CACNB2: variants seen among roughly 807,000 people sequenced by gnomAD.
CACNB2 encodes calcium voltage-gated channel auxiliary subunit beta 2, also known as voltage-dependent L-type calcium channel subunit beta-2.
CACNB2 carries 42 observed loss-of-function variants against 73.3 expected under a neutral mutation model. The ratio of observed to expected loss-of-function variants is 0.57; its 90% CI spans 0.45 to 0.74. CACNB2 has a LOEUF of 0.74. Among genes scored for constraint, CACNB2 ranks in the 30% least tolerant of loss-of-function variants. The pLI, the probability that CACNB2 is intolerant of heterozygous loss-of-function variation, is 0.00. For missense variants in CACNB2, 940 were observed against 853.0 expected, an observed-to-expected ratio of 1.10 and a Z score of -1.27; for synonymous variants, 348 against 310.3, an observed-to-expected ratio of 1.12 and a Z score of -1.28.
chr10:18,386,154 C>T (rs959630124), intron 2 of CACNB2, among the ~76,000 whole-genome samples: 5 of 152,246 alleles, frequency 3.3e-5, no homozygotes, highest in Non-Finnish European at 5.9e-5. Flanking sequence ...TTTGATTTTG[C>T]CCTGTTTTAA....
chr10:18,269,159 T>C (rs2489217), intron 2 of CACNB2, among the ~76,000 whole-genome samples: 31,818 of 152,096 alleles, frequency 0.21, 3,626 homozygotes, highest in South Asian at 0.3. Context: ...CCTAAATAAA[T>C]AAAGGTCAGA....
At chr10:18,530,087 G>A (rs990680289) in intron 10 of CACNB2, among the ~76,000 whole-genome samples, 1 of 152,058 alleles carries the variant, frequency 6.6e-6, no homozygotes, top group Non-Finnish European at 1.5e-5. Context: ...AACTACATGG[G>A]AAAGACCAAG....
intron 2 of CACNB2, among the ~76,000 whole-genome samples, chr10:18,309,270 C>T (rs2039866652): frequency 6.9e-6 from 1 of 145,474 alleles, no homozygotes; most frequent in Admixed American, 6.9e-5. Context: ...GAGAGGGAGA[C>T]CAATAGAGTC....
chr10:18,170,945 A>G (rs962929356), intron 2 of CACNB2, among the ~76,000 whole-genome samples: 23 of 152,230 alleles, frequency 1.5e-4, no homozygotes, highest in African/African-American at 5.1e-4. Flanking sequence ...CTTGCATGGA[A>G]TCTTAATTCA....
chr10:18,213,435 G>C (rs2035396122), intron 2 of CACNB2, among the ~76,000 whole-genome samples: 1 of 152,092 alleles, frequency 6.6e-6, no homozygotes. Context: ...ATCTGTTAGT[G>C]GCTTTCTCTT....
intron 2 of CACNB2, among the ~76,000 whole-genome samples, chr10:18,166,069 A>G (rs941534827): frequency 1.3e-5 from 2 of 152,218 alleles, no homozygotes; most frequent in African/African-American, 4.8e-5. Context: ...ATGTACAAGT[A>G]TACATCTGTT....
chr10:18,295,851 A>G (rs1289884297), intron 2 of CACNB2, among the ~76,000 whole-genome samples: 2 of 152,208 alleles, frequency 1.3e-5, no homozygotes, highest in Non-Finnish European at 2.9e-5. Context: ...CATACTGCAT[A>G]GACGATGAGA....
chr10:18,439,277 AT>A (rs962517089), intron 3 of CACNB2, among the ~76,000 whole-genome samples: 23 of 152,288 alleles, frequency 1.5e-4, no homozygotes, highest in Middle Eastern at 3.4e-3. Context: ...GATGAGGGTT[AT>A]TTTAGTAAGG....
intron 1 of CACNB2, among the ~76,000 whole-genome samples, chr10:18,142,649 G>A (rs571277928): frequency 6.6e-6 from 1 of 152,248 alleles, no homozygotes; most frequent in East Asian, 1.9e-4. Flanking sequence ...CTAAATTCCT[G>A]GACATCAAAG....
chr10:18,314,179 T>C (rs2131903665), intron 2 of CACNB2, among the ~76,000 whole-genome samples: 1 of 152,322 alleles, frequency 6.6e-6, no homozygotes, highest in South Asian at 2.1e-4. Context: ...GATATTGTGG[T>C]TAATAGCTTT....
chr10:18,346,389 C>T (rs1380042433), intron 2 of CACNB2, among the ~76,000 whole-genome samples: 4 of 152,058 alleles, frequency 2.6e-5, no homozygotes, highest in South Asian at 2.1e-4. Flanking sequence ...CCACTCGCCT[C>T]GGCCTCCCAA....
intron 2 of CACNB2, among the ~76,000 whole-genome samples, chr10:18,320,773 T>A (rs1235771736): frequency 6.6e-6 from 1 of 152,220 alleles, no homozygotes; most frequent in Non-Finnish European, 1.5e-5. Context: ...TATTTACTTA[T>A]TGATGGGCTG....
At chr10:18,231,367 T>C (rs1224140433) in intron 2 of CACNB2, among the ~76,000 whole-genome samples, 1 of 152,004 alleles carries the variant, frequency 6.6e-6, no homozygotes, top group Non-Finnish European at 1.5e-5. Flanking sequence ...TTAGTAGAGA[T>C]GGGGTTTCGC....
intron 10 of CACNB2, among the ~76,000 whole-genome samples, chr10:18,528,244 T>C (rs977959777): frequency 3.3e-5 from 5 of 152,220 alleles, no homozygotes; most frequent in African/African-American, 9.6e-5. Flanking sequence ...TATTTATTGA[T>C]AGATATCAAT....
chr10:18,248,045 T>C (rs1293114312), intron 2 of CACNB2, among the ~76,000 whole-genome samples: 1 of 152,180 alleles, frequency 6.6e-6, no homozygotes, highest in Non-Finnish European at 1.5e-5. Context: ...CTCTCCTAAT[T>C]CCATCACATT....
intron 2 of CACNB2, among the ~76,000 whole-genome samples, chr10:18,236,774 A>G (rs368548972): frequency 1.3e-5 from 2 of 152,338 alleles, no homozygotes; most frequent in African/African-American, 4.8e-5. Flanking sequence ...AAATGCTTGC[A>G]TCAGTGATCC....
chr10:18,282,247 G>A (rs942760248), intron 2 of CACNB2, among the ~76,000 whole-genome samples: 6 of 152,154 alleles, frequency 3.9e-5, no homozygotes, highest in African/African-American at 1.4e-4. Context: ...GGGCAGAGTG[G>A]AGAGTCCCAT....
chr10:18,385,684 G>A (rs953304552), intron 2 of CACNB2, among the ~76,000 whole-genome samples: 6 of 150,566 alleles, frequency 4.0e-5, no homozygotes, highest in African/African-American at 7.3e-5. Context: ...ACAGCAAAAC[G>A]GTGTATTTCT....
At chr10:18,511,803 C>T (rs1014950496) in intron 6 of CACNB2, among the ~76,000 whole-genome samples, 4 of 152,270 alleles carry the variant, frequency 2.6e-5, no homozygotes, top group African/African-American at 2.4e-5. Flanking sequence ...GAAGGGACTT[C>T]GCCTGGATGG....
Sources: gnomAD v4.1 joint callset for allele counts (sites outside exome capture counted in the v4.1 genomes callset) on GRCh38, gnomAD v4.1.1 for gene constraint, MANE v1.5 for transcripts, NCBI Gene and HGNC (gene_info 2026-07-23, HGNC 2026-07-21) for gene names.